EYS: variants seen among roughly 807,000 people sequenced by gnomAD.
The protein encoded by EYS is protein eyes shut homolog.
In EYS, 250 loss-of-function variants were observed where a neutral mutation model predicts 282.1. That is an observed-to-expected ratio of 0.89 (90% confidence interval 0.80 to 0.98). EYS has a LOEUF of 0.98. Among genes scored for constraint, EYS ranks in the 50% least tolerant of loss-of-function variants. EYS has a pLI of 0.00. For missense variants in EYS, 4,016 were observed against 3,709.0 expected, an observed-to-expected ratio of 1.08 and a Z score of -2.15; for synonymous variants, 1,355 against 1,282.9, an observed-to-expected ratio of 1.06 and a Z score of -1.20.
intron 30 of EYS, among the ~76,000 whole-genome samples, chr6:64,262,744 G>A (rs1407929993): frequency 6.6e-6 from 1 of 151,758 alleles, no homozygotes; most frequent in Non-Finnish European, 1.5e-5. Context: ...TTTGTTTCCT[G>A]CTTGAGTTCT....
intron 5 of EYS, among the ~76,000 whole-genome samples, chr6:65,447,425 A>T (rs12197256): frequency 0.18 from 27,328 of 148,454 alleles, 3,164 homozygotes; most frequent in Middle Eastern, 0.3. Flanking sequence ...TACTGTACTG[A>T]GTCATAAATC....
intron 1 of EYS, among the ~76,000 whole-genome samples, chr6:65,701,673 T>A (rs1769681018): frequency 6.6e-6 from 1 of 152,212 alleles, no homozygotes; most frequent in African/African-American, 2.4e-5. Flanking sequence ...ATTTCTTGAT[T>A]TTTTTTCTCA....
chr6:64,451,841 T>C (rs1159885161), intron 26 of EYS, among the ~76,000 whole-genome samples: 1 of 152,134 alleles, frequency 6.6e-6, no homozygotes. Context: ...ATAAATTAGG[T>C]ATTGATGGGA....
At chr6:64,068,660 T>A (rs1471614126) in intron 32 of EYS, among the ~76,000 whole-genome samples, 1 of 150,164 alleles carries the variant, frequency 6.7e-6, no homozygotes, top group South Asian at 2.1e-4. Context: ...GTATAATAAA[T>A]ATATATATAT....
chr6:64,265,473 CTCCTGG>C (rs1244972316), intron 30 of EYS, among the ~76,000 whole-genome samples: 2 of 152,098 alleles, frequency 1.3e-5, no homozygotes, highest in Non-Finnish European at 2.9e-5. Context: ...TCTTGAACTC[CTCCTGG>C]TCCTGAACTG....
chr6:65,009,205 C>A (rs1045736037), intron 13 of EYS, among the ~76,000 whole-genome samples: 1 of 152,046 alleles, frequency 6.6e-6, no homozygotes, highest in Admixed American at 6.6e-5. Flanking sequence ...CCTCCTTTCC[C>A]TACCAAAGGC....
chr6:64,898,340 A>G (rs573127826), intron 18 of EYS, among the ~76,000 whole-genome samples: 1 of 152,262 alleles, frequency 6.6e-6, no homozygotes, highest in East Asian at 1.9e-4. Flanking sequence ...AGAATTTCAT[A>G]TCCAGCCAAA....
At chr6:64,143,459 CTT>C (rs1265200601) in intron 31 of EYS, among the ~76,000 whole-genome samples, 1 of 150,296 alleles carries the variant, frequency 6.7e-6, no homozygotes, top group Non-Finnish European at 1.5e-5. Context: ...AGGAAGAACT[CTT>C]TATATTTTGC....
At chr6:64,214,736 G>A (rs1765880046) in intron 31 of EYS, among the ~76,000 whole-genome samples, 1 of 151,966 alleles carries the variant, frequency 6.6e-6, no homozygotes, top group African/African-American at 2.4e-5. Flanking sequence ...AATTGTCAAT[G>A]AGTATATGTG....
At chr6:64,427,103 T>C (rs1774436202) in intron 28 of EYS, among the ~76,000 whole-genome samples, 2 of 152,200 alleles carry the variant, frequency 1.3e-5, no homozygotes, top group African/African-American at 4.8e-5. Context: ...CTGTGTTTTA[T>C]TGCAGTTAGC....
At chr6:64,336,106 G>C (rs1462750939) in intron 29 of EYS, among the ~76,000 whole-genome samples, 1 of 152,052 alleles carries the variant, frequency 6.6e-6, no homozygotes, top group Non-Finnish European at 1.5e-5. Flanking sequence ...GCAACAAATA[G>C]CAGGATGAAT....
rs559774290 is a variant in EYS, at chr6:64,909,253, T to G, written c.2641+3231A>C. Among the ~76,000 whole-genome samples the G allele has an allele frequency of 2.0e-5, 3 of 152,264 alleles. No individual in the cohort carries two copies. The South Asian group carries it at 6.2e-4, about 32-fold the overall frequency. ...TTTCTAGAACACTAACAACAAGCAG[T>G]TACAAGATAGATATGTATTTGTGTA... On this transcript the variant is annotated intron_variant, in intron 16 of 42. Transcript: ENST00000503581.
At chr6:65,044,256 T>C (rs956538992) in intron 13 of EYS, among the ~76,000 whole-genome samples, 2 of 151,786 alleles carry the variant, frequency 1.3e-5, no homozygotes, top group Admixed American at 6.6e-5. Context: ...TGTTATAGAG[T>C]TGTTTTTGTT....
At chr6:64,112,371 G>A (rs62415304) in intron 31 of EYS, among the ~76,000 whole-genome samples, 7 of 151,852 alleles carry the variant, frequency 4.6e-5, no homozygotes, top group Non-Finnish European at 8.8e-5. Flanking sequence ...GGTGGTGGAC[G>A]TTCAACACCA....
In EYS at chr6:64,075,924, T is replaced by C. The variant is rs531666392; in HGVS notation, c.6571+5932A>G. Among the ~76,000 whole-genome samples the C allele has an allele frequency of 5.9e-5, 9 of 152,074 alleles. No homozygotes were observed. In the East Asian group the frequency reaches 9.7e-4, roughly 16 times the overall value. Reference sequence around the variant, plus strand: ...AAGGGTTGGCAATCTATGTGGCCCATGGACCAAATTCTGACACTGTCTGAT... The same window carrying C: ...AAGGGTTGGCAATCTATGTGGCCCACGGACCAAATTCTGACACTGTCTGAT... On this transcript the variant is annotated intron_variant, in intron 32 of 42. Coordinates refer to ENST00000503581, the MANE Select transcript of EYS (RefSeq NM_001142800.2).
chr6:64,178,473 A>G (rs1764697878), intron 31 of EYS, among the ~76,000 whole-genome samples: 1 of 152,078 alleles, frequency 6.6e-6, no homozygotes, highest in South Asian at 2.1e-4. Flanking sequence ...ATTACATAGC[A>G]AATCACATCA....
intron 13 of EYS, among the ~76,000 whole-genome samples, chr6:65,016,528 T>A (rs1277729968): frequency 6.6e-6 from 1 of 152,140 alleles, no homozygotes; most frequent in Non-Finnish European, 1.5e-5. Context: ...GAAACATAGT[T>A]AAAAAGTGAG....
chr6:64,016,007 CTA>C (rs1768873862), intron 33 of EYS, among the ~76,000 whole-genome samples: 1 of 152,154 alleles, frequency 6.6e-6, no homozygotes, highest in Admixed American at 6.5e-5. Context: ...AACAAAGGAA[CTA>C]TGTTTTCTCC....
At chr6:65,277,966 T>G (rs1768095063) in intron 12 of EYS, among the ~76,000 whole-genome samples, 1 of 151,218 alleles carries the variant, frequency 6.6e-6, no homozygotes, top group African/African-American at 2.4e-5. Context: ...AACACCTGGA[T>G]AAGGAGGGAT....
Sources: gnomAD v4.1 joint callset for allele counts (sites outside exome capture counted in the v4.1 genomes callset) on GRCh38, gnomAD v4.1.1 for gene constraint, MANE v1.5 for transcripts, NCBI Gene and HGNC (gene_info 2026-07-23, HGNC 2026-07-21) for gene names.